Variants in BBX observed in about 807,000 individuals in gnomAD.
BBX encodes the protein BBX high mobility group box domain containing.
A neutral mutation model predicts 100.2 loss-of-function variants in BBX; 30 were observed. That is an observed-to-expected ratio of 0.30 (90% confidence interval 0.22 to 0.41). The LOEUF is 0.41. Among genes scored for constraint, BBX ranks in the 10% least tolerant of loss-of-function variants. BBX has a pLI of 1.00. For synonymous variants in BBX, 376 were observed against 388.1 expected, an observed-to-expected ratio of 0.97 and a Z score of 0.37; for missense variants, 1,023 against 1,129.8, an observed-to-expected ratio of 0.91 and a Z score of 1.35.
At chr3:107,659,732 T>C (rs1183261689) in intron 3 of BBX, 1 of 1,284,822 alleles carries the variant, frequency 7.8e-7, no homozygotes, top group Admixed American at 2.3e-5. Context: ...TGGGTATCCT[T>C]TTACATTCAT....
intron 2 of BBX, among the ~76,000 whole-genome samples, chr3:107,641,281 C>T (rs1455798398): frequency 6.6e-6 from 1 of 152,034 alleles, no homozygotes; most frequent in African/African-American, 2.4e-5. Context: ...GATGGAGTTT[C>T]ACCATGATGC....
intron 5 of BBX, among the ~76,000 whole-genome samples, chr3:107,722,219 TAA>T (rs1483160340): frequency 5.9e-5 from 9 of 152,000 alleles, no homozygotes; most frequent in African/African-American, 2.2e-4. Context: ...AATAAATTTA[TAA>T]AGACTATAAA....
intron 1 of BBX, among the ~76,000 whole-genome samples, chr3:107,523,826 TGTTCCGG>T (rs2107261719): frequency 6.6e-6 from 1 of 152,138 alleles, no homozygotes; most frequent in African/African-American, 2.4e-5. Flanking sequence ...GGGATTTGGG[TGTTCCGG>T]CCCCGCAGAT....
intron 2 of BBX, among the ~76,000 whole-genome samples, chr3:107,583,927 T>C (rs1320150958): frequency 1.1e-5 from 1 of 87,704 alleles, no homozygotes; most frequent in Non-Finnish European, 2.0e-5. Flanking sequence ...ACTTTATATA[T>C]AATATATATA....
chr3:107,639,539 C>G (rs1273355123), intron 2 of BBX, among the ~76,000 whole-genome samples: 4 of 152,120 alleles, frequency 2.6e-5, no homozygotes, highest in Non-Finnish European at 1.5e-5. Context: ...GTTTTTATAC[C>G]CTTCCTGGAA....
intron 2 of BBX, among the ~76,000 whole-genome samples, chr3:107,535,329 C>T (rs922110350): frequency 2.0e-5 from 3 of 152,044 alleles, no homozygotes; most frequent in Non-Finnish European, 4.4e-5. Context: ...AGGAAAGTTA[C>T]GTGAAAAAGT....
At chr3:107,720,344 C>G (rs929336344) in intron 5 of BBX, among the ~76,000 whole-genome samples, 1 of 151,886 alleles carries the variant, frequency 6.6e-6, no homozygotes, top group East Asian at 1.9e-4. Context: ...ATGAGTCTTA[C>G]AGGAAGAATC....
At chr3:107,655,777 T>C (rs1380242256) in intron 3 of BBX, among the ~76,000 whole-genome samples, 1 of 151,882 alleles carries the variant, frequency 6.6e-6, no homozygotes, top group East Asian at 1.9e-4. Flanking sequence ...CTCAGCTCAC[T>C]GCAAGCTCCA....
intron 3 of BBX, among the ~76,000 whole-genome samples, chr3:107,686,432 T>G (rs542612669): frequency 1.4e-5 from 2 of 147,458 alleles, no homozygotes; most frequent in South Asian, 2.1e-4. Flanking sequence ...TTGTTTTTTG[T>G]TTTTTTTTTT....
intron 2 of BBX, 140 bp from the exon 3 acceptor site, chr3:107,645,696 A>T (rs534017995): frequency 1.3e-5 from 2 of 152,530 alleles, no homozygotes; most frequent in Admixed American, 6.5e-5. Context: ...TGGCATAAGG[A>T]TATTTGCCTC....
At chr3:107,725,539 G>A (rs558541509) in intron 5 of BBX, among the ~76,000 whole-genome samples, 1 of 152,068 alleles carries the variant, frequency 6.6e-6, no homozygotes, top group Non-Finnish European at 1.5e-5. Flanking sequence ...GAAAAGTAAT[G>A]TTGAGGCTCC....
Position 107,710,474 on chromosome 3 carries a change from A to G in BBX, c.14A>G (p.Asn5Ser), listed in dbSNP as rs61731591. 3.0e-3 allele frequency: 4,858 copies of G among 1,613,188 alleles called. 133 individuals carry two copies. In the African/African-American group the frequency reaches 0.057, roughly 19 times the overall value. Residue 5 changes from asparagine to serine, a missense_variant, in exon 4 of 18, where the codon AAT (asparagine) becomes AGT (serine). Asn to Ser is a conservative substitution (Grantham distance 46). Around this residue, in one of 9 missense-constraint regions of BBX, gnomAD observed 229 missense variants for 226.3 expected, o/e 1.01. Transcript: ENST00000325805. MKGS[N>S]RNKDHSAEGE... ...CAGGTCACAGTAATGAAAGGCAGTA[A>G]TAGAAATAAGGATCATTCAGCAGAA...
rs549125457 is a variant in BBX at position 107,579,577 on chromosome 3, G to A, written c.-84+53179G>A. Among the ~76,000 whole-genome samples the A allele has an allele frequency of 1.0e-3, 159 of 152,338 alleles. 1 individual carries two copies. Among genetic ancestry groups the A allele is most frequent in the African/African-American group, 3.7e-3 (153 of 41,578 alleles). ...TGAGTGTAACTCCTGAGAGCCTGGC[G>A]GGTCTTTTCACACAGATGTTGATGG... is the stretch of plus-strand genomic sequence containing the variant. On this transcript the variant is annotated intron_variant, in intron 2 of 17. Coordinates refer to ENST00000325805, the MANE Select transcript of BBX (RefSeq NM_001142568.3).
At chr3:107,679,792 G>C (rs777792403) in intron 3 of BBX, among the ~76,000 whole-genome samples, 25 of 152,100 alleles carry the variant, frequency 1.6e-4, no homozygotes, top group Non-Finnish European at 2.9e-4. Context: ...TCTTGATGTC[G>C]TAGTACCTAA....
rs550406890 is a variant in BBX, at chr3:107,687,936, T to A, written c.-9-22516T>A. On this transcript the variant is annotated intron_variant, in intron 3 of 17. Transcript: ENST00000325805. ...AGGGCATGGTGGCACACATCTGTAA[T>A]CCCAGCTACTCTGGAGGCTGAGGCA... Among the ~76,000 whole-genome samples, 311 of 152,054 alleles carry A rather than the reference T, an allele frequency of 2.0e-3. 2 individuals carry two copies. Among genetic ancestry groups the A allele is most frequent in the Non-Finnish European group, 3.8e-3 (260 of 67,966 alleles).
intron 3 of BBX, among the ~76,000 whole-genome samples, chr3:107,690,408 G>T (rs1303846742): frequency 6.6e-6 from 1 of 152,158 alleles, no homozygotes; most frequent in East Asian, 1.9e-4. Context: ...CACAAAGTAC[G>T]TTGGAGATTC....
intron 10 of BBX, among the ~76,000 whole-genome samples, chr3:107,765,052 A>G (rs1448250669): frequency 1.3e-5 from 2 of 152,124 alleles, no homozygotes; most frequent in African/African-American, 4.8e-5. Flanking sequence ...TTTGTTGAAT[A>G]TTTTTCCTCC....
chr3:107,684,954 T>C (rs1300287157), intron 3 of BBX, among the ~76,000 whole-genome samples: 1 of 152,150 alleles, frequency 6.6e-6, no homozygotes, highest in Non-Finnish European at 1.5e-5. Context: ...TTTTAAAACA[T>C]GGACAACTGA....
chr3:107,709,679 A>G (rs1002866447), intron 3 of BBX, among the ~76,000 whole-genome samples: 1 of 152,250 alleles, frequency 6.6e-6, no homozygotes, highest in South Asian at 2.1e-4. Context: ...ACATGCAGTT[A>G]CCTCTGGACC....
Sources: allele counts gnomAD v4.1 joint callset (sites outside exome capture counted in the v4.1 genomes callset), GRCh38; gene constraint gnomAD v4.1.1; regional missense constraint gnomAD v4.1.1; transcripts MANE v1.5; gene names NCBI Gene and HGNC (gene_info 2026-07-23, HGNC 2026-07-21).